The following FBXL4 variants were observed in gnomAD, a reference collection of about 807,000 sequenced individuals.
FBXL4 encodes the protein F-box and leucine rich repeat protein 4.
In FBXL4, 40 loss-of-function variants were observed where a neutral mutation model predicts 58.9. The observed-to-expected ratio is 0.68, with a 90% CI of 0.53 to 0.88. FBXL4 has a LOEUF of 0.88. Ranked by LOEUF, FBXL4 falls within the 40% of genes least tolerant of loss-of-function variation. The pLI is 0.00. For synonymous variants in FBXL4, 263 were observed against 265.5 expected (o/e 0.99, Z 0.09); for missense variants, 676 against 734.4 (o/e 0.92, Z 0.92).
intron 5 of FBXL4, among the ~76,000 whole-genome samples, chr6:98,907,424 T>A (rs1198185664): frequency 6.6e-6 from 1 of 152,072 alleles, no homozygotes; most frequent in African/African-American, 2.4e-5. Context: ...AAATAAGGGG[T>A]CTGCTTAAGG....
chr6:98,923,955 G>A (rs1772680670), intron 4 of FBXL4, among the ~76,000 whole-genome samples: 1 of 150,562 alleles, frequency 6.6e-6, no homozygotes, highest in Non-Finnish European at 1.5e-5. Context: ...ATAATATATT[G>A]GTCACCTTTT....
At position 98,872,678 on chromosome 6, in the gene FBXL4, T is replaced by C. The variant is rs1323717705; in HGVS notation, c.*1600A>G. The stretch of plus-strand genomic sequence containing the variant: ...AGCCCACAAAGCCTAAAATATTTAC[T>C]ATCTGGCCCTTTATAGAAAAAGTTT... On this transcript the variant is annotated 3_prime_UTR_variant, in exon 10 of 10. Coordinates refer to ENST00000369244, the MANE Select transcript of FBXL4 (RefSeq NM_001278716.2). 1 of 152,206 alleles carries C rather than the reference T, an allele frequency of 6.6e-6. No individual in the cohort carries two copies. The highest frequency in any genetic ancestry group is 1.9e-4 in the East Asian group (1 of 5,204). 9.4% of individuals were successfully genotyped at this position (152,206 alleles called of 1,614,324 possible).
chr6:98,921,720 C>A (rs1196595123), intron 4 of FBXL4, among the ~76,000 whole-genome samples: 1 of 152,092 alleles, frequency 6.6e-6, no homozygotes, highest in Non-Finnish European at 1.5e-5. Context: ...GATTTGGTAG[C>A]AAATTCTATG....
chr6:98,868,594 C>T lies in FBXL4; in HGVS notation c.*5684G>A, dbSNP rs1770413984. 1 of 152,042 alleles carries T rather than the reference C, an allele frequency of 6.6e-6. No individual in the cohort carries two copies. Among genetic ancestry groups the T allele is most frequent in the Admixed American group, 6.6e-5 (1 of 15,252 alleles). The allele number at this position is 152,042 out of a possible 1,614,324, so 9.4% of individuals were successfully genotyped here. A position where few individuals can be genotyped will look rare whatever the true frequency, so the allele number is the denominator to read the frequency against. On this transcript the variant is annotated 3_prime_UTR_variant, in exon 10 of 10. Transcript: ENST00000369244. ...AGTACAGAATACAAACAACAGAAATCATTAGATATTGAACAGCATTTTTAT... is the reference window on the plus strand; with the variant it reads ...AGTACAGAATACAAACAACAGAAATTATTAGATATTGAACAGCATTTTTAT...
intron 5 of FBXL4, among the ~76,000 whole-genome samples, chr6:98,908,318 T>C (rs1361549505): frequency 6.6e-6 from 1 of 152,186 alleles, no homozygotes; most frequent in Non-Finnish European, 1.5e-5. Flanking sequence ...AGCAACTTGC[T>C]TTTCTCATTT....
At chr6:98,898,034 T>C (rs1771466939) in intron 7 of FBXL4, among the ~76,000 whole-genome samples, 2 of 152,078 alleles carry the variant, frequency 1.3e-5, no homozygotes, top group Non-Finnish European at 2.9e-5. Context: ...AGAAAACAAG[T>C]ATCATTTCAG....
chr6:98,939,334 C>A (rs1276634945), intron 1 of FBXL4, among the ~76,000 whole-genome samples: 1 of 152,106 alleles, frequency 6.6e-6, no homozygotes, highest in Non-Finnish European at 1.5e-5. Flanking sequence ...ATCAAACCAT[C>A]CTTTGCTGGC....
intron 7 of FBXL4, chr6:98,896,712 A>G: frequency 3.6e-6 from 3 of 835,752 alleles, no homozygotes; most frequent in Non-Finnish European, 4.3e-6. Flanking sequence ...CCAATAAAAA[A>G]AATTTAATAG....
At chr6:98,898,281 T>C in intron 7 of FBXL4, 1 of 985,156 alleles carries the variant, frequency 1.0e-6, no homozygotes, top group African/African-American at 1.7e-5. Context: ...CCAATATGCA[T>C]GCAGCAGAGG....
At chr6:98,889,074 G>A (rs1298938190) in intron 7 of FBXL4, among the ~76,000 whole-genome samples, 1 of 152,116 alleles carries the variant, frequency 6.6e-6, no homozygotes, top group Non-Finnish European at 1.5e-5. Flanking sequence ...AAATGCCAAA[G>A]GTAAAGAAGT....
At chr6:98,898,167 A>C (rs1279369343) in intron 7 of FBXL4, 2 of 371,474 alleles carry the variant, frequency 5.4e-6, no homozygotes, top group East Asian at 3.3e-4. Context: ...CACTGAGCTG[A>C]AAAAAGGGCA....
chr6:98,920,986 A>G (rs1452773331), intron 4 of FBXL4, among the ~76,000 whole-genome samples: 1 of 152,082 alleles, frequency 6.6e-6, no homozygotes, highest in Non-Finnish European at 1.5e-5. Flanking sequence ...CACTGTATTT[A>G]TTTACTGGAC....
chr6:98,946,162 G>A (rs931753376), intron 1 of FBXL4, among the ~76,000 whole-genome samples: 1 of 152,100 alleles, frequency 6.6e-6, no homozygotes, highest in Non-Finnish European at 1.5e-5. Context: ...CAGAAGCCAG[G>A]ATCACCACAG....
At chr6:98,929,948 T>G (rs1056033236) in intron 2 of FBXL4, among the ~76,000 whole-genome samples, 10 of 152,072 alleles carry the variant, frequency 6.6e-5, no homozygotes, top group Non-Finnish European at 1.3e-4. Context: ...CACACAACCT[T>G]CATGGTTTAG....
chr6:98,879,656 GCGGA>G (rs1770774665), intron 8 of FBXL4, among the ~76,000 whole-genome samples: 1 of 151,996 alleles, frequency 6.6e-6, no homozygotes, highest in African/African-American at 2.4e-5. Flanking sequence ...GCCGAGGCGG[GCGGA>G]TCACAAGGTC....
At chr6:98,913,474 C>T (rs1469072578) in intron 5 of FBXL4, among the ~76,000 whole-genome samples, 1 of 152,140 alleles carries the variant, frequency 6.6e-6, no homozygotes, top group Non-Finnish European at 1.5e-5. Context: ...TCTCTCAGAC[C>T]ACAGTGCAAT....
intron 7 of FBXL4, chr6:98,898,611 G>C: frequency 1.1e-6 from 1 of 905,788 alleles, no homozygotes; most frequent in Middle Eastern, 5.6e-4. Context: ...TCTCAAAAAA[G>C]AAAAAAAAAA....
At chr6:98,944,326 T>C (rs1052011109) in intron 1 of FBXL4, among the ~76,000 whole-genome samples, 1 of 152,166 alleles carries the variant, frequency 6.6e-6, no homozygotes, top group African/African-American at 2.4e-5. Flanking sequence ...AACCAAATCA[T>C]TAATAGCCAC....
intron 1 of FBXL4, among the ~76,000 whole-genome samples, chr6:98,940,719 C>T (rs1773402167): frequency 6.6e-6 from 1 of 151,884 alleles, no homozygotes; most frequent in Admixed American, 6.6e-5. Context: ...CAAATGTTTT[C>T]TCCCAGTCTG....
Sources: allele counts gnomAD v4.1 joint callset (sites outside exome capture counted in the v4.1 genomes callset), GRCh38; gene constraint gnomAD v4.1.1; transcripts MANE v1.5; gene names NCBI Gene and HGNC (gene_info 2026-07-23, HGNC 2026-07-21).